SLC25A48: variants seen among roughly 807,000 people sequenced by gnomAD.
SLC25A48 encodes solute carrier family 25 member 48.
SLC25A48 carries 29 observed loss-of-function variants against 32.2 expected under a neutral mutation model. The observed-to-expected ratio is 0.90, with a 90% CI of 0.67 to 1.23. The LOEUF (loss-of-function observed/expected upper bound fraction) is 1.23. SLC25A48 is among the 50% of genes most tolerant of loss of function. SLC25A48 has a pLI of 0.00. For synonymous variants in SLC25A48, 164 were observed against 172.3 expected, an observed-to-expected ratio of 0.95 and a Z score of 0.38; for missense variants, 399 against 422.7, an observed-to-expected ratio of 0.94 and a Z score of 0.49.
At chr5:135,779,148 C>A (rs1194193019) in intron 3 of SLC25A48, among the ~76,000 whole-genome samples, 1 of 151,746 alleles carries the variant, frequency 6.6e-6, no homozygotes, top group African/African-American at 2.4e-5. Flanking sequence ...TACACCCACC[C>A]CCTCTGTGAT....
intron 3 of SLC25A48, among the ~76,000 whole-genome samples, chr5:135,719,338 A>C (rs576366391): frequency 6.6e-6 from 1 of 152,256 alleles, no homozygotes; most frequent in South Asian, 2.1e-4. Context: ...CCACTAGTGT[A>C]CCAGAGGCAG....
Position 135,880,251 on chromosome 5 carries a change from C to T in SLC25A48, c.*7+154C>T, listed in dbSNP as rs923094871. ...CTGGGGCTGCCACCCTTTTCGTCAC[C>T]AAACAGCAGTTCAGAAATGCCCACC... On this transcript the variant is annotated intron_variant, in intron 7 of 7. Coordinates refer to ENST00000681962, the MANE Select transcript of SLC25A48 (RefSeq NM_001349336.2). 7 of 1,137,098 alleles carry T rather than the reference C, an allele frequency of 6.2e-6. No individual in the cohort carries two copies. In the African/African-American group the frequency reaches 6.3e-5, roughly 10 times the overall value. 70.4% of individuals were successfully genotyped at this position (1,137,098 alleles called of 1,614,324 possible).
In SLC25A48 at chr5:135,711,908, C is replaced by CA. The variant is rs1182774274; in HGVS notation, c.-521+76952_-521+76953insA. On this transcript the variant is annotated intron_variant, in intron 3 of 10. Coordinates refer to the SLC25A48 transcript ENST00000646290. The stretch of plus-strand genomic sequence containing the variant: ...TTCACCTGGACTTCTGTACCCACCC[C>CA]TTCACTGGCCCCCCTGCCTCTAGTG... 2.0e-5 allele frequency among the ~76,000 whole-genome samples: 3 copies of CA among 152,166 alleles called. No individual in the cohort carries two copies. The East Asian group carries it at 5.8e-4, about 30-fold the overall frequency.
intron 3 of SLC25A48, among the ~76,000 whole-genome samples, chr5:135,693,474 A>C (rs1754192343): frequency 6.6e-6 from 1 of 152,256 alleles, no homozygotes; most frequent in Non-Finnish European, 1.5e-5. Flanking sequence ...AAGAAGAGGA[A>C]GATGCGGTGG....
rs74453246 is a variant in SLC25A48, at chr5:135,862,920, A to G, written c.422-8541A>G. Among the ~76,000 whole-genome samples, 302 of 152,280 alleles carry G rather than the reference A, an allele frequency of 2.0e-3. 6 individuals are homozygous for G. In the East Asian group the frequency reaches 0.048, roughly 24 times the overall value. On this transcript the variant is annotated intron_variant, in intron 4 of 7. Coordinates refer to ENST00000681962, the MANE Select transcript of SLC25A48 (RefSeq NM_001349336.2). ...CTTAGATTATATTCAGCAGGCAGTG[A>G]AGCACTTTGGACACCAGAATGATGC...
intron 3 of SLC25A48, among the ~76,000 whole-genome samples, chr5:135,715,894 C>T (rs1016051987): frequency 6.6e-6 from 1 of 152,190 alleles, no homozygotes; most frequent in Non-Finnish European, 1.5e-5. Flanking sequence ...CTTGACATGC[C>T]TGTGCTGTGA....
intron 3 of SLC25A48, among the ~76,000 whole-genome samples, chr5:135,637,132 G>A (rs1278774972): frequency 6.6e-6 from 1 of 152,236 alleles, no homozygotes; most frequent in African/African-American, 2.4e-5. Context: ...GGCCTTCAGA[G>A]TTTATAATTT....
chr5:135,691,785 G>C (rs1212110647), intron 3 of SLC25A48, among the ~76,000 whole-genome samples: 1 of 152,194 alleles, frequency 6.6e-6, no homozygotes, highest in East Asian at 1.9e-4. Flanking sequence ...ATTCCACCTG[G>C]GGTTGTGTAA....
chr5:135,599,840 C>T (rs1508775), intron 1 of SLC25A48, among the ~76,000 whole-genome samples: 43,890 of 152,096 alleles, frequency 0.29, 6,777 homozygotes, highest in East Asian at 0.42. Context: ...GGCCTTCGCA[C>T]TCCCAGGCTT....
intron 1 of SLC25A48, among the ~76,000 whole-genome samples, chr5:135,600,803 C>T (rs1157662378): frequency 6.6e-6 from 1 of 151,976 alleles, no homozygotes; most frequent in African/African-American, 2.4e-5. Context: ...CTGCCTCAGC[C>T]TCCCGAGCAG....
At chr5:135,638,407 G>A (rs921636558) in intron 3 of SLC25A48, among the ~76,000 whole-genome samples, 2 of 10,244 alleles carry the variant, frequency 2.0e-4, no homozygotes, top group African/African-American at 4.0e-4. Context: ...TTTGGTAGGT[G>A]GGGGAGGGGA....
At chr5:135,836,218 C>A (rs189629481) in intron 1 of SLC25A48, among the ~76,000 whole-genome samples, 6 of 152,276 alleles carry the variant, frequency 3.9e-5, no homozygotes, top group Non-Finnish European at 7.4e-5. Flanking sequence ...TCCCCATCCC[C>A]AAACGTGATA....
intron 3 of SLC25A48, among the ~76,000 whole-genome samples, chr5:135,666,363 T>G (rs1264474249): frequency 6.6e-6 from 1 of 152,170 alleles, no homozygotes. Context: ...AGTGATGCAG[T>G]TTTTCAGTAA....
At chr5:135,880,133 C>G in intron 7 of SLC25A48, 36 bp downstream of exon 7, 1 of 1,504,050 alleles carries the variant, frequency 6.6e-7, no homozygotes, top group Non-Finnish European at 8.8e-7. Flanking sequence ...TTGTGCCTCC[C>G]AGGAACTTGA....
intron 2 of SLC25A48, among the ~76,000 whole-genome samples, chr5:135,633,265 C>T (rs1000625781): frequency 6.6e-6 from 1 of 151,768 alleles, no homozygotes; most frequent in Non-Finnish European, 1.5e-5. Flanking sequence ...TAGTGAAACT[C>T]ATCACAGACA....
At position 135,593,226 on chromosome 5, in the gene SLC25A48, C is replaced by T. The variant is rs1257834394; in HGVS notation, c.-849+13629C>T. On this transcript the variant is annotated intron_variant, in intron 1 of 10. Coordinates refer to the SLC25A48 transcript ENST00000646290. ...GGCTGATGGAGTCCTCAGTGTTCTC[C>T]ACTCCTGAGGTCAGAAGCCAGGACT... Among the ~76,000 whole-genome samples, 5 of 152,272 alleles carry T rather than the reference C, an allele frequency of 3.3e-5. No homozygotes were observed. In the East Asian group the frequency reaches 9.7e-4, roughly 29 times the overall value.
At chr5:135,823,445 G>C (rs544068366) in intron 4 of SLC25A48, among the ~76,000 whole-genome samples, 1 of 152,308 alleles carries the variant, frequency 6.6e-6, no homozygotes, top group African/African-American at 2.4e-5. Flanking sequence ...TCACCATGGA[G>C]TCTGATAAAG....
intron 3 of SLC25A48, among the ~76,000 whole-genome samples, chr5:135,666,111 A>G (rs1326260049): frequency 1.3e-5 from 2 of 152,220 alleles, no homozygotes; most frequent in African/African-American, 2.4e-5. Context: ...CTGTAACACA[A>G]GGTCCTTCTG....
At chr5:135,762,414 G>A (rs996676934) in intron 3 of SLC25A48, among the ~76,000 whole-genome samples, 3 of 152,148 alleles carry the variant, frequency 2.0e-5, no homozygotes, top group Non-Finnish European at 2.9e-5. Flanking sequence ...AGATTTTCCA[G>A]GTGTGCTCTT....
Sources: gnomAD v4.1 joint callset for allele counts (sites outside exome capture counted in the v4.1 genomes callset) on GRCh38, gnomAD v4.1.1 for gene constraint, MANE v1.5 for transcripts, NCBI Gene and HGNC (gene_info 2026-07-23, HGNC 2026-07-21) for gene names.